The following DPYSL5 variants were observed in gnomAD, a reference collection of about 807,000 sequenced individuals.
The protein encoded by DPYSL5 is dihydropyrimidinase-related protein 5.
In DPYSL5, 9 loss-of-function variants were observed where a neutral mutation model predicts 58.4. The ratio of observed to expected loss-of-function variants is 0.15; its 90% confidence interval spans 0.09 to 0.27. The LOEUF is 0.27. Among genes scored for constraint, DPYSL5 ranks in the 10% least tolerant of loss-of-function variants. DPYSL5 has a pLI of 1.00. For synonymous variants in DPYSL5, 293 were observed against 301.9 expected (o/e 0.97, Z 0.31); for missense variants, 499 against 770.6 (o/e 0.65, Z 4.17).
At chr2:26,937,590 A>T (rs1334136420) in intron 8 of DPYSL5, among the ~76,000 whole-genome samples, 1 of 152,066 alleles carries the variant, frequency 6.6e-6, no homozygotes, top group African/African-American at 2.4e-5. Context: ...GGAATAAAAA[A>T]GTACAATCTA....
intron 1 of DPYSL5, among the ~76,000 whole-genome samples, chr2:26,896,377 T>C (rs1275218622): frequency 6.6e-6 from 1 of 152,228 alleles, no homozygotes; most frequent in Non-Finnish European, 1.5e-5. Flanking sequence ...CGACATCTGA[T>C]TTCATTTCCC....
At chr2:26,882,908 T>TAAAAA (rs74378520) in intron 1 of DPYSL5, among the ~76,000 whole-genome samples, 1 of 100,118 alleles carries the variant, frequency 1.0e-5, no homozygotes, top group Non-Finnish European at 2.0e-5. Context: ...GAGACTATCT[T>TAAAAA]AAAAAAAAAA....
At chr2:26,878,758 G>A (rs888939475) in intron 1 of DPYSL5, among the ~76,000 whole-genome samples, 2 of 152,162 alleles carry the variant, frequency 1.3e-5, no homozygotes, top group Non-Finnish European at 2.9e-5. Flanking sequence ...GGATTCAGCC[G>A]CTGTCCACTT....
intron 1 of DPYSL5, among the ~76,000 whole-genome samples, chr2:26,856,280 A>G (rs930494676): frequency 2.6e-5 from 4 of 152,192 alleles, no homozygotes; most frequent in African/African-American, 9.7e-5. Context: ...AAACAGAATT[A>G]TCAGTACTCA....
At chr2:26,882,187 T>C (rs1458846071) in intron 1 of DPYSL5, among the ~76,000 whole-genome samples, 1 of 152,016 alleles carries the variant, frequency 6.6e-6, no homozygotes, top group Non-Finnish European at 1.5e-5. Flanking sequence ...TTCCACCTTA[T>C]TTCAATTTTT....
chr2:26,861,196 CA>C (rs1249721174), intron 1 of DPYSL5, among the ~76,000 whole-genome samples: 8 of 152,160 alleles, frequency 5.3e-5, no homozygotes, highest in African/African-American at 7.2e-5. Context: ...ACTGCCCATT[CA>C]AACAAGAAAG....
At position 26,849,392 on chromosome 2, in the gene DPYSL5, T is replaced by G. The variant is rs1281463304; in HGVS notation, c.-5+1138T>G. On this transcript the variant is annotated intron_variant, in intron 1 of 12. Transcript: ENST00000288699. This position sits in a 1 kb window ranked among gnomAD's most constrained non-coding sequence, Gnocchi z 6.2. Reference sequence around the variant, plus strand: ...GAGGCGGTCTCGGGCCCGAGGATCCTCAGCTCCAGGCGCGGGGCCCCGCGG... The same window carrying G: ...GAGGCGGTCTCGGGCCCGAGGATCCGCAGCTCCAGGCGCGGGGCCCCGCGG... Among the ~76,000 whole-genome samples, 1 of 151,516 alleles carries G rather than the reference T, an allele frequency of 6.6e-6. No homozygotes were observed. Among genetic ancestry groups the G allele is most frequent in the Non-Finnish European group, 1.5e-5 (1 of 67,846 alleles).
Position 26,944,537 on chromosome 2 carries a change from G to T in DPYSL5, c.1441-119G>T. 2 of 1,138,014 alleles carry T rather than the reference G, an allele frequency of 1.8e-6. No individual in the cohort carries two copies. Among genetic ancestry groups the T allele is most frequent in the Non-Finnish European group, 2.5e-6 (2 of 797,842 alleles). 70.5% of individuals were successfully genotyped at this position (1,138,014 alleles called of 1,614,324 possible). ...AAGCCTTGGTCACTTGCAGTGATTTGGGTCTTGGGCAGAGTGGCAGTGTCT... is the reference window on the plus strand; with the variant it reads ...AAGCCTTGGTCACTTGCAGTGATTTTGGTCTTGGGCAGAGTGGCAGTGTCT... On this transcript the variant is annotated intron_variant, in intron 11 of 12. Coordinates refer to ENST00000288699, the MANE Select transcript of DPYSL5 (RefSeq NM_020134.4). The surrounding 1 kb of genome is among the most constrained non-coding windows in gnomAD (Gnocchi z 4.4).
At chr2:26,909,376 G>A (rs1300378258) in intron 2 of DPYSL5, among the ~76,000 whole-genome samples, 1 of 152,138 alleles carries the variant, frequency 6.6e-6, no homozygotes, top group African/African-American at 2.4e-5. Context: ...AGTACCATTA[G>A]AGATTAATAA....
At chr2:26,926,865 T>G (rs1406121547) in intron 3 of DPYSL5, among the ~76,000 whole-genome samples, 3 of 152,252 alleles carry the variant, frequency 2.0e-5, no homozygotes, top group Admixed American at 6.5e-5. Context: ...ACCTCTGGAT[T>G]TTTAGCATTA....
chr2:26,879,888 T>TTTGTTG (rs113198755), intron 1 of DPYSL5, among the ~76,000 whole-genome samples: 2 of 151,648 alleles, frequency 1.3e-5, no homozygotes, highest in Admixed American at 6.6e-5. Flanking sequence ...CTGCCACTCG[T>TTTGTTG]TTGTTGTTGT....
At chr2:26,897,966 GA>G (rs1050018455) in intron 1 of DPYSL5, among the ~76,000 whole-genome samples, 29 of 152,160 alleles carry the variant, frequency 1.9e-4, no homozygotes, top group Non-Finnish European at 7.3e-5. Context: ...GGAATGTCAT[GA>G]ATTAAACAGC....
chr2:26,937,174 T>C (rs1572718967), intron 8 of DPYSL5, among the ~76,000 whole-genome samples: 1 of 152,174 alleles, frequency 6.6e-6, no homozygotes, highest in Non-Finnish European at 1.5e-5. Context: ...CCCACACAAA[T>C]TCAAATAGAC....
At chr2:26,932,185 A>AAGAAAGAAAGAAAGAAAGAT (rs1558351559) in intron 6 of DPYSL5, among the ~76,000 whole-genome samples, 1 of 70,300 alleles carries the variant, frequency 1.4e-5, no homozygotes, top group East Asian at 4.2e-4. Flanking sequence ...GAAAGAAAGA[A>AAGAAAGAAAGAAAGAAAGAT]AGAAAGAAAG....
At chr2:26,865,123 G>C (rs1489689454) in intron 1 of DPYSL5, among the ~76,000 whole-genome samples, 1 of 152,098 alleles carries the variant, frequency 6.6e-6, no homozygotes, top group Non-Finnish European at 1.5e-5. Context: ...GTGCATAAAT[G>C]CAATGTGTTT....
chr2:26,937,169 A>G (rs531103153), intron 8 of DPYSL5, among the ~76,000 whole-genome samples: 1 of 152,182 alleles, frequency 6.6e-6, no homozygotes, highest in South Asian at 2.1e-4. Flanking sequence ...CCAAACCCAC[A>G]CAAATTCAAA....
At position 26,933,795 on chromosome 2, in the gene DPYSL5, T is replaced by C. The variant is rs1665097726; in HGVS notation, c.790+462T>C. Among the ~76,000 whole-genome samples, 1 of 152,022 alleles carries C rather than the reference T, an allele frequency of 6.6e-6. No homozygotes were observed. Among genetic ancestry groups the C allele is most frequent in the Non-Finnish European group, 1.5e-5 (1 of 67,998 alleles). On this transcript the variant is annotated intron_variant, in intron 7 of 12. Transcript: ENST00000288699. This position sits in a 1 kb window ranked among gnomAD's most constrained non-coding sequence, Gnocchi z 4.2. ...AGCCTCCTGGAACCCTGTGTATGAG[T>C]CCGAGGGGCACTTGTATGGCTTCTG...
At chr2:26,932,212 G>GAAAGAAAAGAAAAGA (rs1553321176) in intron 6 of DPYSL5, among the ~76,000 whole-genome samples, 2 of 58,470 alleles carry the variant, frequency 3.4e-5, no homozygotes, top group Non-Finnish European at 7.1e-5. Context: ...AGAAAGAAAA[G>GAAAGAAAAGAAAAGA]AAAGAAAGAA....
chr2:26,850,355 G>A (rs1403084743), intron 1 of DPYSL5, among the ~76,000 whole-genome samples: 2 of 152,072 alleles, frequency 1.3e-5, no homozygotes, highest in African/African-American at 4.8e-5. Context: ...CTTTCAGCAG[G>A]GCTTTCCACG....
Sources: allele counts gnomAD v4.1 joint callset (sites outside exome capture counted in the v4.1 genomes callset), GRCh38; gene constraint gnomAD v4.1.1; non-coding constraint Gnocchi (gnomAD v3.1); transcripts MANE v1.5; gene names NCBI Gene and HGNC (gene_info 2026-07-23, HGNC 2026-07-21).